The following CSMD1 variants were observed in gnomAD, a reference collection of about 807,000 sequenced individuals.
CSMD1 encodes CUB and Sushi multiple domains 1.
In CSMD1, 213 loss-of-function variants were observed where a neutral mutation model predicts 417.5. That is an observed-to-expected ratio of 0.51 (90% CI 0.46 to 0.57). CSMD1 has a LOEUF of 0.57. Ranked by LOEUF, CSMD1 falls within the 20% of genes least tolerant of loss-of-function variation. CSMD1 has a pLI of 0.00. For synonymous variants in CSMD1, 2,862 were observed against 1,736.8 expected, an observed-to-expected ratio of 1.65 and a Z score of -16.11; for missense variants, 6,923 against 4,529.7, an observed-to-expected ratio of 1.53 and a Z score of -15.17.
chr8:3,492,900 T>C (rs1796191188), intron 11 of CSMD1, among the ~76,000 whole-genome samples: 3 of 152,040 alleles, frequency 2.0e-5, no homozygotes, highest in Admixed American at 1.3e-4. Flanking sequence ...TATGGCATTA[T>C]TCCAAAAAAG....
chr8:3,075,908 G>A lies in CSMD1; in HGVS notation c.7474+11189C>T, dbSNP rs559061050. 2.0e-3 allele frequency among the ~76,000 whole-genome samples: 298 copies of A among 151,058 alleles called. 4 individuals carry two copies. Among genetic ancestry groups the A allele is most frequent in the East Asian group, 5.7e-3 (29 of 5,048 alleles). ...TACAAAAAAAAAAAAAAAATTAGCC[G>A]GGCGTGGTGGCGGGCGCCTGTAGTC... is the stretch of plus-strand genomic sequence containing the variant. On this transcript the variant is annotated intron_variant, in intron 49 of 69. Transcript: ENST00000635120.
chr8:4,818,658 G>C (rs931188374), intron 1 of CSMD1, among the ~76,000 whole-genome samples: 1 of 152,126 alleles, frequency 6.6e-6, no homozygotes, highest in Admixed American at 6.6e-5. Flanking sequence ...TTTAGAGAAA[G>C]GGCAAAGGTA....
At chr8:3,801,385 A>G (rs1057478541) in intron 5 of CSMD1, among the ~76,000 whole-genome samples, 1 of 152,136 alleles carries the variant, frequency 6.6e-6, no homozygotes, top group African/African-American at 2.4e-5. Context: ...GTCATTTAAG[A>G]AATTAAATTT....
intron 1 of CSMD1, among the ~76,000 whole-genome samples, chr8:4,982,700 C>A (rs1427417264): frequency 1.3e-5 from 2 of 152,098 alleles, no homozygotes; most frequent in Non-Finnish European, 2.9e-5. Flanking sequence ...TATCATTGTC[C>A]ATCCATCATA....
chr8:4,065,607 G>C (rs920684353), intron 3 of CSMD1, among the ~76,000 whole-genome samples: 9 of 152,088 alleles, frequency 5.9e-5, no homozygotes, highest in Non-Finnish European at 1.2e-4. Context: ...CTATGTAAAG[G>C]AGACTCATGA....
chr8:4,941,262 A>C (rs11783663), intron 1 of CSMD1, among the ~76,000 whole-genome samples: 3 of 151,948 alleles, frequency 2.0e-5, no homozygotes, highest in East Asian at 1.9e-4. Flanking sequence ...TTTCAAACAC[A>C]GTAACATTCT....
chr8:3,410,461 C>A (rs996504037), intron 12 of CSMD1, among the ~76,000 whole-genome samples: 1 of 152,090 alleles, frequency 6.6e-6, no homozygotes. Context: ...CAGGTCTTTC[C>A]TGTGCTGTTC....
intron 3 of CSMD1, among the ~76,000 whole-genome samples, chr8:4,130,590 C>G (rs918175218): frequency 2.6e-5 from 4 of 152,048 alleles, no homozygotes; most frequent in Admixed American, 2.6e-4. Flanking sequence ...TTCTAACTTG[C>G]AAAATTGTAT....
intron 7 of CSMD1, among the ~76,000 whole-genome samples, chr8:3,706,069 GC>G (rs1483193091): frequency 6.6e-6 from 1 of 152,236 alleles, no homozygotes; most frequent in Admixed American, 6.5e-5. Context: ...CACGCATGAC[GC>G]GCTGGAACGT....
chr8:4,586,182 T>C (rs73186941), intron 2 of CSMD1, among the ~76,000 whole-genome samples: 44,100 of 152,120 alleles, frequency 0.29, 6,745 homozygotes, highest in African/African-American at 0.4. Flanking sequence ...TCCACTCTTT[T>C]GGTTATTTTT....
At chr8:3,785,190 T>A (rs1457900809) in intron 5 of CSMD1, among the ~76,000 whole-genome samples, 1 of 152,222 alleles carries the variant, frequency 6.6e-6, no homozygotes, top group African/African-American at 2.4e-5. Context: ...AGATGATGAC[T>A]ACTGAATTAA....
intron 10 of CSMD1, among the ~76,000 whole-genome samples, chr8:3,499,148 A>G (rs575451735): frequency 4.6e-5 from 7 of 152,352 alleles, no homozygotes; most frequent in African/African-American, 1.7e-4. Flanking sequence ...TTAGTAGGAA[A>G]AAACTTTTTC....
chr8:4,770,449 A>G (rs1239297125), intron 1 of CSMD1, among the ~76,000 whole-genome samples: 1 of 150,852 alleles, frequency 6.6e-6, no homozygotes, highest in Non-Finnish European at 1.5e-5. Flanking sequence ...TTCTTCACAG[A>G]ATTTTTTTTT....
At chr8:4,884,800 T>A (rs1189009314) in intron 1 of CSMD1, among the ~76,000 whole-genome samples, 1 of 152,056 alleles carries the variant, frequency 6.6e-6, no homozygotes, top group East Asian at 1.9e-4. Flanking sequence ...GAAGCATGAG[T>A]TCTCTAACTT....
chr8:4,133,978 G>A (rs1438503912), intron 3 of CSMD1, among the ~76,000 whole-genome samples: 1 of 151,856 alleles, frequency 6.6e-6, no homozygotes, highest in Non-Finnish European at 1.5e-5. Context: ...TTAAACTTCG[G>A]TTTTCTTATC....
chr8:4,304,686 G>C (rs1173921083), intron 3 of CSMD1, among the ~76,000 whole-genome samples: 1 of 152,134 alleles, frequency 6.6e-6, no homozygotes, highest in Non-Finnish European at 1.5e-5. Context: ...AACATCTCCA[G>C]TTTGAAGATG....
At chr8:3,304,199 A>T (rs564446196) in intron 25 of CSMD1, among the ~76,000 whole-genome samples, 1 of 152,292 alleles carries the variant, frequency 6.6e-6, no homozygotes, top group East Asian at 1.9e-4. Flanking sequence ...ATATTAAGAT[A>T]TTTTAAAGAG....
chr8:4,567,591 C>G (rs190648684), intron 2 of CSMD1, among the ~76,000 whole-genome samples: 34 of 152,252 alleles, frequency 2.2e-4, no homozygotes, highest in African/African-American at 7.7e-4. Flanking sequence ...AGCTTGAAAA[C>G]CCCACAGAAA....
At chr8:3,104,718 T>TA (rs1192627330) in intron 46 of CSMD1, among the ~76,000 whole-genome samples, 1 of 150,870 alleles carries the variant, frequency 6.6e-6, no homozygotes, top group African/African-American at 2.4e-5. Context: ...TTCTTTTTTT[T>TA]TTTTTTTGAG....
Sources: gnomAD v4.1 joint callset for allele counts (sites outside exome capture counted in the v4.1 genomes callset) on GRCh38, gnomAD v4.1.1 for gene constraint, MANE v1.5 for transcripts, NCBI Gene and HGNC (gene_info 2026-07-23, HGNC 2026-07-21) for gene names.